Variants in DRD2 observed in about 807,000 individuals in gnomAD.
DRD2 encodes the protein dopamine receptor D2.
A neutral mutation model predicts 38.0 loss-of-function variants in DRD2; 8 were observed. The ratio of observed to expected loss-of-function variants is 0.21; its 90% CI spans 0.12 to 0.38. The LOEUF (loss-of-function observed/expected upper bound fraction) is 0.38, where lower values mean the gene tolerates loss of function less well. Ranked by LOEUF, DRD2 falls within the 10% of genes least tolerant of loss-of-function variation. The pLI is 1.00. For synonymous variants in DRD2, 230 were observed against 238.6 expected, an observed-to-expected ratio of 0.96 and a Z score of 0.33; for missense variants, 403 against 607.7, an observed-to-expected ratio of 0.66 and a Z score of 3.54.
intron 1 of DRD2, among the ~76,000 whole-genome samples, chr11:113,432,323 T>TCC (rs1203004802): frequency 7.5e-5 from 11 of 146,120 alleles, no homozygotes; most frequent in East Asian, 4.0e-4. Context: ...TCTCTCTCTC[T>TCC]CTCCCTCCCT....
At chr11:113,424,325 C>A (rs1267618375) in intron 2 of DRD2, 42 bp downstream of exon 2, 1 of 1,603,426 alleles carries the variant, frequency 6.2e-7, no homozygotes, top group Non-Finnish European at 8.5e-7. Context: ...AGTGCAGGGC[C>A]CTGCTGGAGA....
At chr11:113,458,138 A>G (rs1378524224) in intron 1 of DRD2, among the ~76,000 whole-genome samples, 3 of 152,278 alleles carry the variant, frequency 2.0e-5, no homozygotes, top group African/African-American at 4.8e-5. Context: ...GCCTGAGGCA[A>G]CAGCTCTGCT....
chr11:113,468,316 G>A (rs1002145311), intron 1 of DRD2, among the ~76,000 whole-genome samples: 1 of 152,148 alleles, frequency 6.6e-6, no homozygotes, highest in Non-Finnish European at 1.5e-5. Flanking sequence ...TTTTTAAAGG[G>A]TTTAAATAGG....
At chr11:113,450,591 T>C (rs1951201794) in intron 1 of DRD2, among the ~76,000 whole-genome samples, 1 of 152,232 alleles carries the variant, frequency 6.6e-6, no homozygotes. Context: ...TAGGTGATCA[T>C]GGTATCCTTA....
rs141980989 is a variant in DRD2 at position 113,454,329 on chromosome 11, G to A, written c.-32+20747C>T. ...GTCACCCCACTGCACTCCAGCCTGG[G>A]CAATAGAGTGAGACTCCGTCATGGA... On this transcript the variant is annotated intron_variant, in intron 1 of 7. Coordinates refer to ENST00000362072, the MANE Select transcript of DRD2 (RefSeq NM_000795.4). Among the ~76,000 whole-genome samples the A allele has an allele frequency of 1.4e-4, 21 of 152,080 alleles. No individual in the cohort carries two copies. The East Asian group carries it at 3.9e-3, about 28-fold the overall frequency.
intron 6 of DRD2, 67 bp from the exon 7 acceptor site, chr11:113,412,950 C>T: frequency 6.6e-7 from 1 of 1,510,728 alleles, no homozygotes. Context: ...ACCCATCTCA[C>T]TGGCCCCTCC....
intron 1 of DRD2, among the ~76,000 whole-genome samples, chr11:113,436,779 A>T (rs1951043036): frequency 1.3e-5 from 2 of 152,144 alleles, no homozygotes; most frequent in African/African-American, 4.8e-5. Flanking sequence ...CTGCTCCTTA[A>T]CCCTCACCCC....
chr11:113,471,032 A>G (rs932249762), intron 1 of DRD2, among the ~76,000 whole-genome samples: 1 of 152,182 alleles, frequency 6.6e-6, no homozygotes, highest in African/African-American at 2.4e-5. Context: ...AGAAAAGAAA[A>G]ATCTGCAATT....
intron 1 of DRD2, among the ~76,000 whole-genome samples, chr11:113,437,369 C>G (rs138498237): frequency 2.5e-3 from 384 of 152,238 alleles, no homozygotes; most frequent in Middle Eastern, 0.02. Flanking sequence ...CACATCTACA[C>G]GGTTCCTTCA....
At chr11:113,417,289 G>T (rs1950837134) in intron 3 of DRD2, among the ~76,000 whole-genome samples, 1 of 152,144 alleles carries the variant, frequency 6.6e-6, no homozygotes, top group South Asian at 2.1e-4. Context: ...AAGAACCATG[G>T]CCTGCATCTT....
At chr11:113,417,631 A>G (rs1435678233) in intron 3 of DRD2, among the ~76,000 whole-genome samples, 1 of 152,188 alleles carries the variant, frequency 6.6e-6, no homozygotes, top group Non-Finnish European at 1.5e-5. Context: ...ATAACCAGAT[A>G]CTGCAGCTCC....
intron 1 of DRD2, among the ~76,000 whole-genome samples, chr11:113,431,320 G>T (rs1480291361): frequency 6.6e-6 from 1 of 152,190 alleles, no homozygotes; most frequent in Non-Finnish European, 1.5e-5. Context: ...GAAAGTGGGG[G>T]TAATTGCTGC....
At chr11:113,414,296 T>G (rs772560102) in intron 6 of DRD2, 79 bp downstream of exon 6, 1 of 1,381,824 alleles carries the variant, frequency 7.2e-7, no homozygotes, top group Non-Finnish European at 1.0e-6. Flanking sequence ...GGCCAGCTTC[T>G]GAGGTCTCAG....
rs193061763 is a variant in DRD2 at position 113,450,407 on chromosome 11, C to T, written c.-32+24669G>A. 9.8e-5 allele frequency among the ~76,000 whole-genome samples: 15 copies of T among 152,324 alleles called. No individual in the cohort carries two copies. The East Asian group carries it at 2.1e-3, about 22-fold the overall frequency. ...AGTTGAAGAAGCTGGCCCAGAGAGG[C>T]TTCTCTATTTGCACAAGATTACTCA... On this transcript the variant is annotated intron_variant, in intron 1 of 7. Coordinates refer to ENST00000362072, the MANE Select transcript of DRD2 (RefSeq NM_000795.4).
intron 5 of DRD2, among the ~76,000 whole-genome samples, chr11:113,414,959 T>G (rs1950811015): frequency 1.3e-5 from 2 of 151,962 alleles, no homozygotes; most frequent in Non-Finnish European, 2.9e-5. Context: ...TCACAAGACA[T>G]CAGGGGGGAA....
intron 1 of DRD2, among the ~76,000 whole-genome samples, chr11:113,431,039 C>T (rs899798682): frequency 2.0e-4 from 30 of 152,200 alleles, no homozygotes; most frequent in Non-Finnish European, 4.3e-4. Flanking sequence ...ATATGATCAA[C>T]TTGCTCACCA....
Position 113,412,852 on chromosome 11 carries a change from A to C in DRD2, c.842T>G (p.Met281Arg). Residue 281 changes from methionine (M) to arginine (R), a missense_variant, in exon 7 of 8, where the codon ATG (methionine) becomes AGG (arginine). Around this residue, in one of 4 missense-constraint regions of DRD2, gnomAD observed 166 missense variants for 178.6 expected, o/e 0.93. Transcript: ENST00000362072. ...TGGGCTGGTGCTGGAGAGCATCTCC[A>C]TCTCCAGCTCCTGGGCTCGCCGGGC... Reference protein sequence around the residue: ...EAARRAQELEMEMLSSTSPPE... With the variant: ...EAARRAQELEREMLSSTSPPE... 1 of 1,612,668 alleles carries C rather than the reference A, an allele frequency of 6.2e-7. No homozygotes were observed. Among genetic ancestry groups the C allele is most frequent in the Non-Finnish European group, 8.5e-7 (1 of 1,179,830 alleles).
intron 2 of DRD2, among the ~76,000 whole-genome samples, chr11:113,419,774 C>A (rs1403152264): frequency 2.0e-5 from 3 of 152,190 alleles, no homozygotes; most frequent in African/African-American, 4.8e-5. Flanking sequence ...ACTGCCCTCT[C>A]TTCTGCTCCT....
At chr11:113,438,842 A>G (rs1951061848) in intron 1 of DRD2, among the ~76,000 whole-genome samples, 1 of 152,234 alleles carries the variant, frequency 6.6e-6, no homozygotes, top group South Asian at 2.1e-4. Context: ...AGACTCTATC[A>G]GGTATCATGC....
Sources: allele counts gnomAD v4.1 joint callset (sites outside exome capture counted in the v4.1 genomes callset), GRCh38; gene constraint gnomAD v4.1.1; regional missense constraint gnomAD v4.1.1; transcripts MANE v1.5; gene names NCBI Gene and HGNC (gene_info 2026-07-23, HGNC 2026-07-21).